Variants in WWP2 observed in about 807,000 individuals in gnomAD.
WWP2 encodes NEDD4-like E3 ubiquitin-protein ligase WWP2.
WWP2 carries 57 observed loss-of-function variants against 121.0 expected under a neutral mutation model. That is an observed-to-expected ratio of 0.47 (90% CI 0.38 to 0.59). WWP2 has a LOEUF of 0.59. Among genes scored for constraint, WWP2 ranks in the 20% least tolerant of loss-of-function variants. The pLI is 0.00. For synonymous variants in WWP2, 449 were observed against 441.3 expected, an observed-to-expected ratio of 1.02 and a Z score of -0.22; for missense variants, 962 against 1,158.9, an observed-to-expected ratio of 0.83 and a Z score of 2.47.
chr16:69,929,323 T>C (rs1455743347), intron 11 of WWP2, 125 bp from the exon 12 acceptor site: 2 of 833,438 alleles, frequency 2.4e-6, no homozygotes, highest in Admixed American at 2.4e-5. Flanking sequence ...GGCTGGTTCT[T>C]CTCTAACAGG....
At chr16:69,896,092 G>C (rs925564019) in intron 8 of WWP2, among the ~76,000 whole-genome samples, 3 of 152,220 alleles carry the variant, frequency 2.0e-5, no homozygotes, top group Non-Finnish European at 4.4e-5. Context: ...ATGTATTCAT[G>C]CATAATTATT....
rs551750127 is a variant in WWP2 at position 69,850,280 on chromosome 16, G to A, written c.575+8160G>A. ...TGTGCGCCTGTAGTCCCAGCTACTCGGGAGGCTGAGGCAGGAGAATGGTGT... is the reference window on the plus strand; with the variant it reads ...TGTGCGCCTGTAGTCCCAGCTACTCAGGAGGCTGAGGCAGGAGAATGGTGT... On this transcript the variant is annotated intron_variant, in intron 6 of 23. Transcript: ENST00000359154. 5.8e-3 allele frequency among the ~76,000 whole-genome samples: 882 copies of A among 151,904 alleles called. 11 individuals carry two copies. Among genetic ancestry groups the A allele is most frequent in the African/African-American group, 0.02 (841 of 41,404 alleles).
chr16:69,823,609 A>G (rs2056632036), intron 4 of WWP2, among the ~76,000 whole-genome samples: 1 of 151,930 alleles, frequency 6.6e-6, no homozygotes, highest in Admixed American at 6.6e-5. Flanking sequence ...CTGGGATTAC[A>G]GGTGTGTACC....
intron 7 of WWP2, among the ~76,000 whole-genome samples, chr16:69,877,490 T>G (rs985530013): frequency 3.9e-5 from 6 of 152,242 alleles, no homozygotes; most frequent in Non-Finnish European, 8.8e-5. Context: ...TTGGTAAGGC[T>G]GTTTTACTTT....
intron 1 of WWP2, among the ~76,000 whole-genome samples, chr16:69,781,020 C>G (rs1366529419): frequency 6.6e-6 from 1 of 151,808 alleles, no homozygotes; most frequent in African/African-American, 2.4e-5. Context: ...AGGGCTAGAC[C>G]CTGTCTCAAA....
At chr16:69,820,677 G>A (rs1443389313) in intron 4 of WWP2, among the ~76,000 whole-genome samples, 2 of 132,826 alleles carry the variant, frequency 1.5e-5, no homozygotes, top group African/African-American at 2.5e-5. Context: ...TCTTGTAAGC[G>A]GTTCTCCCCA....
intron 1 of WWP2, among the ~76,000 whole-genome samples, chr16:69,784,958 G>A (rs1392344031): frequency 1.3e-5 from 2 of 151,290 alleles, no homozygotes; most frequent in Non-Finnish European, 2.9e-5. Flanking sequence ...AAGAGTGGTC[G>A]AGTGCAGTGG....
At chr16:69,775,650 C>T (rs1002547867) in intron 1 of WWP2, among the ~76,000 whole-genome samples, 12 of 152,160 alleles carry the variant, frequency 7.9e-5, no homozygotes, top group African/African-American at 2.7e-4. Flanking sequence ...CTATCTGAGT[C>T]AGGTTCTGAT....
intron 9 of WWP2, among the ~76,000 whole-genome samples, chr16:69,912,753 G>T (rs1002937169): frequency 1.3e-5 from 2 of 149,902 alleles, no homozygotes; most frequent in Non-Finnish European, 3.0e-5. Context: ...TGTTAAATGC[G>T]AATGAACACA....
Position 69,939,039 on chromosome 16 carries a change from A to G in WWP2, c.2356A>G (p.Met786Val), listed in dbSNP as rs751012894. 3 of 1,604,290 alleles carry G rather than the reference A, an allele frequency of 1.9e-6. No individual in the cohort carries two copies. The highest frequency in any genetic ancestry group is 2.6e-6 in the Non-Finnish European group (3 of 1,174,964). The stretch of plus-strand genomic sequence containing the variant: ...TGCGGACTTCCAGGTGGTGAAGGAG[A>G]TGGACAACGAGAAGAGGATCCGGCT... Reference protein sequence around the residue: ...IQWFWQVVKEMDNEKRIRLLQ... With the variant: ...IQWFWQVVKEVDNEKRIRLLQ... Residue 786 changes from methionine to valine, a missense_variant, in exon 22 of 24, where the codon ATG becomes GTG. Transcript: ENST00000359154.
At chr16:69,765,047 T>C (rs2038697278) in intron 1 of WWP2, among the ~76,000 whole-genome samples, 1 of 151,906 alleles carries the variant, frequency 6.6e-6, no homozygotes, top group Admixed American at 6.6e-5. Flanking sequence ...CTACAAAAAA[T>C]ACAAAAATTA....
chr16:69,856,061 C>T (rs920644472), intron 6 of WWP2, among the ~76,000 whole-genome samples: 6 of 152,126 alleles, frequency 3.9e-5, no homozygotes, highest in Admixed American at 3.3e-4. Flanking sequence ...TGCTTGAGTC[C>T]AGGAGTTCGA....
In WWP2 at chr16:69,824,804, T is replaced by C. The variant is rs557353659; in HGVS notation, c.341-15322T>C. The stretch of plus-strand genomic sequence containing the variant: ...TTTTTTTTTTGAGACAGAGTTTTAC[T>C]CTGTCACCCAGACTGCAGTACAGTG... On this transcript the variant is annotated intron_variant, in intron 4 of 23. Transcript: ENST00000359154. 3.9e-4 allele frequency among the ~76,000 whole-genome samples: 52 copies of C among 132,306 alleles called. 1 individual carries two copies. Among genetic ancestry groups the C allele is most frequent in the African/African-American group, 1.5e-3 (52 of 35,176 alleles). The allele number at this position is 132,306 out of a possible 152,430, so 86.8% of individuals were successfully genotyped here. A position where few individuals can be genotyped will look rare whatever the true frequency, so the allele number is the denominator to read the frequency against.
At chr16:69,868,488 A>G (rs1292460039) in intron 6 of WWP2, among the ~76,000 whole-genome samples, 1 of 152,134 alleles carries the variant, frequency 6.6e-6, no homozygotes, top group Non-Finnish European at 1.5e-5. Context: ...AGGGGTTGAC[A>G]GTGCACGTTT....
At position 69,828,208 on chromosome 16, in the gene WWP2, A is replaced by G. The variant is rs191373001; in HGVS notation, c.341-11918A>G. 7.4e-3 allele frequency among the ~76,000 whole-genome samples: 1,132 copies of G among 152,042 alleles called. 18 individuals are homozygous for G. The highest frequency in any genetic ancestry group is 0.01 in the Middle Eastern group (3 of 294). ...ACTGAAATGAGGACATGAGTGCCCAATCCACCTTCCTTTCTTTCCCTCCTC... is the reference window on the plus strand; with the variant it reads ...ACTGAAATGAGGACATGAGTGCCCAGTCCACCTTCCTTTCTTTCCCTCCTC... On this transcript the variant is annotated intron_variant, in intron 4 of 23. Coordinates refer to ENST00000359154, the MANE Select transcript of WWP2 (RefSeq NM_001270454.2).
At chr16:69,829,455 A>T (rs1463913657) in intron 4 of WWP2, among the ~76,000 whole-genome samples, 1 of 152,136 alleles carries the variant, frequency 6.6e-6, no homozygotes, top group African/African-American at 2.4e-5. Context: ...ACCCATTTGG[A>T]TCTCATTCCA....
In WWP2 at chr16:69,791,250, C is replaced by T. The variant is rs183118588; in HGVS notation, c.70+4170C>T. On this transcript the variant is annotated intron_variant, in intron 2 of 23. Coordinates refer to ENST00000359154, the MANE Select transcript of WWP2 (RefSeq NM_001270454.2). ...TTTCTTTCTTTTTTTTTTTTTGAGA[C>T]GGAGTCTCGCTCTATCGCCGAGGCT... Among the ~76,000 whole-genome samples the T allele has an allele frequency of 1.5e-4, 22 of 148,210 alleles. No homozygotes were observed. The East Asian group carries it at 2.7e-3, about 18-fold the overall frequency.
chr16:69,808,240 T>C (rs935985014), intron 4 of WWP2, among the ~76,000 whole-genome samples: 1 of 152,156 alleles, frequency 6.6e-6, no homozygotes, highest in Admixed American at 6.6e-5. Context: ...AGATTAAAGA[T>C]ATATGACCTT....
intron 9 of WWP2, among the ~76,000 whole-genome samples, chr16:69,917,427 C>G (rs2058493056): frequency 6.6e-6 from 1 of 152,228 alleles, no homozygotes; most frequent in African/African-American, 2.4e-5. Flanking sequence ...CAACATACAT[C>G]ACATGTGCAC....
Sources: gnomAD v4.1 joint callset for allele counts (sites outside exome capture counted in the v4.1 genomes callset) on GRCh38, gnomAD v4.1.1 for gene constraint, MANE v1.5 for transcripts, NCBI Gene and HGNC (gene_info 2026-07-23, HGNC 2026-07-21) for gene names.